Variants in NOS1AP observed in about 807,000 individuals in gnomAD.
NOS1AP encodes the protein nitric oxide synthase 1 adaptor protein, also known as carboxyl-terminal PDZ ligand of neuronal nitric oxide synthase protein.
A neutral mutation model predicts 56.2 loss-of-function variants in NOS1AP; 21 were observed. The observed-to-expected ratio is 0.37, with a 90% confidence interval of 0.26 to 0.54. NOS1AP has a LOEUF of 0.54. Among genes scored for constraint, NOS1AP ranks in the 20% least tolerant of loss-of-function variants. The probability of loss-of-function intolerance (pLI) is 0.84; values close to 1 mark genes in which losing one functional copy is unlikely to be tolerated. For synonymous variants in NOS1AP, 270 were observed against 274.6 expected (o/e 0.98, Z 0.17); for missense variants, 522 against 657.8 (o/e 0.79, Z 2.26).
intron 4 of NOS1AP, among the ~76,000 whole-genome samples, chr1:162,310,898 C>G (rs557922696): frequency 6.6e-6 from 1 of 151,786 alleles, no homozygotes; most frequent in African/African-American, 2.4e-5. Context: ...GACTCTCTCT[C>G]TCTCTTCTGG....
chr1:162,213,077 G>A (rs1292328515), intron 2 of NOS1AP, among the ~76,000 whole-genome samples: 1 of 152,070 alleles, frequency 6.6e-6, no homozygotes, highest in African/African-American at 2.4e-5. Flanking sequence ...TGTCTCTAGG[G>A]GATCAGGTCA....
chr1:162,123,788 T>TAC (rs756438801), intron 1 of NOS1AP, among the ~76,000 whole-genome samples: 12 of 152,174 alleles, frequency 7.9e-5, no homozygotes, highest in Admixed American at 2.0e-4. Context: ...TCTATCTATA[T>TAC]ACACACACAC....
intron 1 of NOS1AP, among the ~76,000 whole-genome samples, chr1:162,080,260 C>T (rs1300813533): frequency 1.3e-5 from 2 of 152,108 alleles, no homozygotes; most frequent in African/African-American, 4.8e-5. Context: ...GTTCAGTGCC[C>T]AGAGGGTGCT....
chr1:162,321,731 A>AAAAATATATATAT (rs1480278757), intron 4 of NOS1AP, among the ~76,000 whole-genome samples: 3 of 128,494 alleles, frequency 2.3e-5, no homozygotes, highest in African/African-American at 8.7e-5. Flanking sequence ...AAAAAAAAAA[A>AAAAATATATATAT]ATATATATAT....
intron 4 of NOS1AP, among the ~76,000 whole-genome samples, chr1:162,313,248 G>A (rs1025966524): frequency 3.3e-5 from 5 of 152,134 alleles, no homozygotes; most frequent in Admixed American, 2.6e-4. Flanking sequence ...TAAATATTCA[G>A]GGGAAGGTGA....
intron 2 of NOS1AP, among the ~76,000 whole-genome samples, chr1:162,282,620 G>A (rs1055949884): frequency 3.3e-5 from 5 of 152,164 alleles, no homozygotes; most frequent in Non-Finnish European, 1.5e-5. Flanking sequence ...AGTACCTTTG[G>A]TAGAGGTGCT....
At chr1:162,174,571 A>G (rs1178004538) in intron 2 of NOS1AP, among the ~76,000 whole-genome samples, 1 of 152,198 alleles carries the variant, frequency 6.6e-6, no homozygotes, top group Non-Finnish European at 1.5e-5. Context: ...ATAATATAAT[A>G]AAAAATAAAA....
At chr1:162,281,116 A>G (rs905950490) in intron 2 of NOS1AP, among the ~76,000 whole-genome samples, 2 of 152,234 alleles carry the variant, frequency 1.3e-5, no homozygotes, top group African/African-American at 4.8e-5. Flanking sequence ...TTGGCCAATA[A>G]TGACAGCTCT....
intron 1 of NOS1AP, among the ~76,000 whole-genome samples, chr1:162,147,235 A>G (rs1649504088): frequency 6.6e-6 from 1 of 150,428 alleles, no homozygotes; most frequent in Non-Finnish European, 1.5e-5. Context: ...AGGCTGAGGC[A>G]GGAGAATGGA....
At chr1:162,078,081 C>T (rs1381701471) in intron 1 of NOS1AP, among the ~76,000 whole-genome samples, 1 of 152,222 alleles carries the variant, frequency 6.6e-6, no homozygotes, top group African/African-American at 2.4e-5. Context: ...GCCCATACCT[C>T]CTTCTTTTGT....
intron 2 of NOS1AP, among the ~76,000 whole-genome samples, chr1:162,163,592 A>C (rs775367914): frequency 6.6e-5 from 10 of 152,004 alleles, no homozygotes; most frequent in Non-Finnish European, 1.3e-4. Context: ...GAGTCTCTAG[A>C]GATGTGAATG....
intron 2 of NOS1AP, among the ~76,000 whole-genome samples, chr1:162,175,918 C>T (rs1355155909): frequency 1.3e-5 from 2 of 152,098 alleles, no homozygotes; most frequent in African/African-American, 2.4e-5. Context: ...CCAGTGTACG[C>T]GTACAGTAGT....
Position 162,368,309 on chromosome 1 carries a change from T to C in NOS1AP, c.*842T>C, listed in dbSNP as rs1341458836. On this transcript the variant is annotated 3_prime_UTR_variant, in exon 10 of 10. Coordinates refer to ENST00000361897, the MANE Select transcript of NOS1AP (RefSeq NM_014697.3). ...TGGAAGCTGGGAATTGCCCCTCACC[T>C]CCCCTGTGTCCTGTCCAGCTGAAGC... 1.3e-5 allele frequency: 2 copies of C among 152,008 alleles called. No homozygotes were observed. The highest frequency in any genetic ancestry group is 2.9e-5 in the Non-Finnish European group (2 of 68,074). The allele number at this position is 152,008 out of a possible 1,614,324, so 9.4% of individuals were successfully genotyped here.
intron 8 of NOS1AP, among the ~76,000 whole-genome samples, chr1:162,359,628 C>T (rs75035528): frequency 0.013 from 1,991 of 152,122 alleles, 48 homozygotes; most frequent in African/African-American, 0.045. Flanking sequence ...AAAACAATTA[C>T]GTAAGATGTA....
chr1:162,334,684 G>A (rs935020410), intron 5 of NOS1AP, among the ~76,000 whole-genome samples: 2 of 152,236 alleles, frequency 1.3e-5, no homozygotes, highest in Non-Finnish European at 2.9e-5. Context: ...ACTGGACCAT[G>A]TGGACCTTGG....
At position 162,123,736 on chromosome 1, in the gene NOS1AP, G is replaced by A. The variant is rs370993924; in HGVS notation, c.106-30669G>A. On this transcript the variant is annotated intron_variant, in intron 1 of 9. Transcript: ENST00000361897. ...AGGACTCCAATTTACCCTTCACCCC[G>A]CTTTCCCCAGTCACCCTCTCTCATA... Among the ~76,000 whole-genome samples, 60 of 152,060 alleles carry A rather than the reference G, an allele frequency of 3.9e-4. 1 individual carries two copies. The highest frequency in any genetic ancestry group is 1.3e-3 in the African/African-American group (55 of 41,498).
chr1:162,134,544 G>A (rs975371279), intron 1 of NOS1AP, among the ~76,000 whole-genome samples: 2 of 150,450 alleles, frequency 1.3e-5, no homozygotes, highest in African/African-American at 2.5e-5. Flanking sequence ...GGAGAGGAAG[G>A]AGAGTAGGGA....
chr1:162,109,447 T>A (rs567370523), intron 1 of NOS1AP, among the ~76,000 whole-genome samples: 17 of 152,188 alleles, frequency 1.1e-4, no homozygotes. Context: ...ACTTCTGAAA[T>A]AGATGACATT....
intron 5 of NOS1AP, among the ~76,000 whole-genome samples, chr1:162,338,117 A>G (rs1480092953): frequency 6.6e-6 from 1 of 152,212 alleles, no homozygotes; most frequent in Admixed American, 6.5e-5. Flanking sequence ...CAAGGACATT[A>G]TCTTGTATTG....
Sources: allele counts gnomAD v4.1 joint callset (sites outside exome capture counted in the v4.1 genomes callset), GRCh38; gene constraint gnomAD v4.1.1; transcripts MANE v1.5; gene names NCBI Gene and HGNC (gene_info 2026-07-23, HGNC 2026-07-21).